The following CAMTA1 variants were observed in gnomAD, a reference collection of about 807,000 sequenced individuals.
CAMTA1 encodes the protein calmodulin binding transcription activator 1.
Under a neutral mutation model 170.9 loss-of-function variants are expected in CAMTA1, and 27 were observed. That is an observed-to-expected ratio of 0.16 (90% CI 0.12 to 0.22). The LOEUF (loss-of-function observed/expected upper bound fraction) is 0.22. Among genes scored for constraint, CAMTA1 ranks in the 10% least tolerant of loss-of-function variants. The pLI is 1.00. For missense variants in CAMTA1, 1,619 were observed against 2,217.2 expected (o/e 0.73, Z 5.42); for synonymous variants, 833 against 891.5 (o/e 0.93, Z 1.17).
At chr1:7,188,065 A>T (rs1341275123) in intron 4 of CAMTA1, among the ~76,000 whole-genome samples, 2 of 152,246 alleles carry the variant, frequency 1.3e-5, no homozygotes, top group East Asian at 3.8e-4. Flanking sequence ...AGGTGGCAGG[A>T]GAGAGAAGTG....
chr1:7,322,251 G>A (rs191985384), intron 5 of CAMTA1, among the ~76,000 whole-genome samples: 43 of 152,236 alleles, frequency 2.8e-4, no homozygotes, highest in South Asian at 8.3e-4. Context: ...GGGCTTTGTC[G>A]GCCCCACAAT....
chr1:7,338,727 C>A (rs568459500), intron 5 of CAMTA1, among the ~76,000 whole-genome samples: 1 of 152,286 alleles, frequency 6.6e-6, no homozygotes, highest in East Asian at 1.9e-4. Flanking sequence ...GCCTGTGCAG[C>A]GTAGATGGAC....
At chr1:7,175,706 A>C (rs927998800) in intron 4 of CAMTA1, among the ~76,000 whole-genome samples, 3 of 152,240 alleles carry the variant, frequency 2.0e-5, no homozygotes, top group Non-Finnish European at 4.4e-5. Flanking sequence ...TCCATCAAAC[A>C]CTGCCTTAGT....
chr1:7,338,155 G>A (rs2083534222), intron 5 of CAMTA1, among the ~76,000 whole-genome samples: 1 of 151,810 alleles, frequency 6.6e-6, no homozygotes, highest in African/African-American at 2.4e-5. Context: ...CAGATTTTGG[G>A]GCTTCTGCTC....
rs532920553 is a variant in CAMTA1 at position 7,565,135 on chromosome 1, T to C, written c.511-75265T>C. Among the ~76,000 whole-genome samples, 8 of 151,992 alleles carry C rather than the reference T, an allele frequency of 5.3e-5. No homozygotes were observed. The East Asian group carries it at 1.6e-3, about 30-fold the overall frequency. ...GGAGACTCCTGCCAGTCACCTGTGCTACCTGGATATACCCCTCACACCCCC... is the reference window on the plus strand; with the variant it reads ...GGAGACTCCTGCCAGTCACCTGTGCCACCTGGATATACCCCTCACACCCCC... On this transcript the variant is annotated intron_variant, in intron 6 of 22. Transcript: ENST00000303635. The surrounding 1 kb of genome is among the most constrained non-coding windows in gnomAD (Gnocchi z 4.5).
chr1:7,601,862 G>T (rs966515837), intron 6 of CAMTA1, among the ~76,000 whole-genome samples: 137 of 152,106 alleles, frequency 9.0e-4, no homozygotes, highest in Middle Eastern at 3.4e-3. Flanking sequence ...AATCAGGCAG[G>T]GAGGTTGCAG....
intron 11 of CAMTA1, among the ~76,000 whole-genome samples, chr1:7,706,757 A>C (rs1389252726): frequency 6.6e-6 from 1 of 152,228 alleles, no homozygotes; most frequent in African/African-American, 2.4e-5. Context: ...GGTCGTCCTG[A>C]TTAATTATAA....
intron 5 of CAMTA1, among the ~76,000 whole-genome samples, chr1:7,446,452 C>T (rs1167078886): frequency 6.6e-6 from 1 of 152,160 alleles, no homozygotes; most frequent in East Asian, 1.9e-4. Context: ...GGCTCTGGTC[C>T]CACGGGTACA....
At chr1:7,595,147 C>T (rs574543692) in intron 6 of CAMTA1, among the ~76,000 whole-genome samples, 1 of 152,218 alleles carries the variant, frequency 6.6e-6, no homozygotes, top group African/African-American at 2.4e-5. Context: ...GGGTGGATCT[C>T]TAAACAAAGG....
chr1:6,864,306 A>G (rs2148925146), intron 3 of CAMTA1, among the ~76,000 whole-genome samples: 1 of 152,262 alleles, frequency 6.6e-6, no homozygotes, highest in South Asian at 2.1e-4. Flanking sequence ...AGTCCAAGCC[A>G]CAATTGCCTG....
intron 4 of CAMTA1, among the ~76,000 whole-genome samples, chr1:7,193,803 TCTC>T (rs1438179597): frequency 5.9e-5 from 9 of 152,192 alleles, no homozygotes; most frequent in East Asian, 3.9e-4. Context: ...TTTGGAAACT[TCTC>T]CTCCGAGTGC....
At chr1:7,180,542 G>A (rs559068089) in intron 4 of CAMTA1, among the ~76,000 whole-genome samples, 43 of 90,450 alleles carry the variant, frequency 4.8e-4, no homozygotes, top group Middle Eastern at 8.8e-3. Flanking sequence ...TTTTGAGACC[G>A]GGCCCCCCTC....
At chr1:7,414,838 T>C (rs2091047226) in intron 5 of CAMTA1, among the ~76,000 whole-genome samples, 2 of 152,118 alleles carry the variant, frequency 1.3e-5, no homozygotes, top group African/African-American at 4.8e-5. Context: ...CTAGTTCTTT[T>C]AATTGTGATG....
At chr1:6,902,675 G>A (rs967148057) in intron 3 of CAMTA1, among the ~76,000 whole-genome samples, 1 of 152,218 alleles carries the variant, frequency 6.6e-6, no homozygotes, top group African/African-American at 2.4e-5. Flanking sequence ...CTTTGAACAG[G>A]TAGTTCACAA....
intron 6 of CAMTA1, among the ~76,000 whole-genome samples, chr1:7,616,903 A>G (rs1172857834): frequency 2.0e-5 from 3 of 152,210 alleles, no homozygotes; most frequent in Admixed American, 2.0e-4. Context: ...TTTTGTGCAA[A>G]TATTTGGGGC....
chr1:7,710,342 A>C (rs1396435024), intron 11 of CAMTA1, among the ~76,000 whole-genome samples: 2 of 152,206 alleles, frequency 1.3e-5, no homozygotes, highest in Non-Finnish European at 2.9e-5. Flanking sequence ...TCACACCTGT[A>C]ATCCCAGCAT....
intron 7 of CAMTA1, among the ~76,000 whole-genome samples, chr1:7,655,534 A>T (rs2095892616): frequency 6.7e-6 from 1 of 149,918 alleles, no homozygotes; most frequent in Admixed American, 6.6e-5. Flanking sequence ...CCACACACAT[A>T]CACACTGATA....
intron 6 of CAMTA1, among the ~76,000 whole-genome samples, chr1:7,468,850 C>T (rs969876472): frequency 6.6e-6 from 1 of 152,156 alleles, no homozygotes; most frequent in Non-Finnish European, 1.5e-5. Flanking sequence ...AGGGGCCTGG[C>T]AGCTGGGGAA....
Position 7,577,910 on chromosome 1 carries a change from T to G in CAMTA1, c.511-62490T>G, listed in dbSNP as rs962177628. On this transcript the variant is annotated intron_variant, in intron 6 of 22. Coordinates refer to ENST00000303635, the MANE Select transcript of CAMTA1 (RefSeq NM_015215.4). ...ATAGTTTGCCAACCCCTGGCCTAGA[T>G]CATCATTTTCAAAACTATAGTTGAA... 2.0e-5 allele frequency among the ~76,000 whole-genome samples: 3 copies of G among 152,148 alleles called. 1 individual carries two copies. The highest frequency in any genetic ancestry group is 4.4e-5 in the Non-Finnish European group (3 of 68,010).
Sources: allele counts gnomAD v4.1 joint callset (sites outside exome capture counted in the v4.1 genomes callset), GRCh38; gene constraint gnomAD v4.1.1; non-coding constraint Gnocchi (gnomAD v3.1); transcripts MANE v1.5; gene names NCBI Gene and HGNC (gene_info 2026-07-23, HGNC 2026-07-21).